INPP4B: variants seen among roughly 807,000 people sequenced by gnomAD.
INPP4B encodes inositol polyphosphate 4-phosphatase type II.
In INPP4B, 55 loss-of-function variants were observed where a neutral mutation model predicts 122.5. That is an observed-to-expected ratio of 0.45 (90% CI 0.36 to 0.56). INPP4B has a LOEUF of 0.56. INPP4B is among the 20% of genes least tolerant of loss of function. INPP4B has a pLI of 0.00. For missense variants in INPP4B, 1,000 were observed against 1,097.7 expected (o/e 0.91, Z 1.26); for synonymous variants, 403 against 388.7 (o/e 1.04, Z -0.43).
At chr4:142,764,333 C>T (rs72728638) in intron 1 of INPP4B, among the ~76,000 whole-genome samples, 1,583 of 152,206 alleles carry the variant, frequency 0.01, 14 homozygotes, top group Middle Eastern at 0.031. Flanking sequence ...TGAATGAACA[C>T]ATACATCAAA....
At chr4:142,267,583 A>C (rs1743445530) in intron 10 of INPP4B, among the ~76,000 whole-genome samples, 1 of 152,220 alleles carries the variant, frequency 6.6e-6, no homozygotes, top group Non-Finnish European at 1.5e-5. Context: ...AATGAGTTAA[A>C]GACTGAAAAA....
intron 1 of INPP4B, among the ~76,000 whole-genome samples, chr4:142,738,438 A>T (rs1353086942): frequency 6.6e-6 from 1 of 152,106 alleles, no homozygotes; most frequent in African/African-American, 2.4e-5. Context: ...GAAGGAGAAC[A>T]TCACACACTG....
intron 5 of INPP4B, chr4:142,423,717 T>C (rs1384712644): frequency 2.4e-6 from 1 of 411,468 alleles, no homozygotes; most frequent in Admixed American, 3.2e-5. Flanking sequence ...GTATACTGAA[T>C]TGCATATCCA....
At chr4:142,845,467 C>A (rs1046859107) in intron 1 of INPP4B, among the ~76,000 whole-genome samples, 2 of 152,152 alleles carry the variant, frequency 1.3e-5, no homozygotes, top group African/African-American at 4.8e-5. Context: ...TGACCTCCCC[C>A]GTCCAAACCC....
intron 2 of INPP4B, among the ~76,000 whole-genome samples, chr4:142,670,354 C>T (rs911726039): frequency 6.6e-6 from 1 of 152,012 alleles, no homozygotes; most frequent in Non-Finnish European, 1.5e-5. Context: ...ATGTTTATTG[C>T]AGCATTATAC....
At chr4:142,440,658 A>G (rs967462) in intron 3 of INPP4B, among the ~76,000 whole-genome samples, 6,512 of 152,186 alleles carry the variant, frequency 0.043, 308 homozygotes, top group African/African-American at 0.11. Flanking sequence ...CCTTGCCTTC[A>G]CTTTTTCTCT....
In INPP4B at chr4:142,237,849, G is replaced by C. The variant is rs1243349801; in HGVS notation, c.836+15C>G. 1 of 1,433,976 alleles carries C rather than the reference G, an allele frequency of 7.0e-7. No individual in the cohort carries two copies. The highest frequency in any genetic ancestry group is 1.4e-5 in the African/African-American group (1 of 70,242). The allele number at this position is 1,433,976 out of a possible 1,614,324, so 88.8% of individuals were successfully genotyped here. A position where few individuals can be genotyped will look rare whatever the true frequency, so the allele number is the denominator to read the frequency against. ...AAAATAATTAATATGAGAGAAAATA[G>C]TTATTTTCTCTTACCTGCACAAATC... On this transcript the variant is annotated intron_variant, in intron 12 of 25. Coordinates refer to ENST00000262992, the MANE Select transcript of INPP4B (RefSeq NM_001101669.3).
At chr4:142,349,271 G>A (rs942461614) in intron 7 of INPP4B, among the ~76,000 whole-genome samples, 6 of 152,008 alleles carry the variant, frequency 3.9e-5, no homozygotes, top group Admixed American at 1.3e-4. Context: ...AAGGACAACT[G>A]ATATACGAGA....
chr4:142,350,932 G>C (rs1021648018), intron 7 of INPP4B, among the ~76,000 whole-genome samples: 1 of 151,910 alleles, frequency 6.6e-6, no homozygotes, highest in Non-Finnish European at 1.5e-5. Flanking sequence ...TTCTAACAGG[G>C]AGCCCAGATG....
intron 1 of INPP4B, among the ~76,000 whole-genome samples, chr4:142,732,053 A>G (rs1766170474): frequency 6.6e-6 from 1 of 152,210 alleles, no homozygotes; most frequent in African/African-American, 2.4e-5. Flanking sequence ...GCAGAAAAGG[A>G]AAAAAGTCTA....
chr4:142,089,476 CACACAG>C (rs1393621612), intron 23 of INPP4B, among the ~76,000 whole-genome samples: 202 of 119,518 alleles, frequency 1.7e-3, no homozygotes, highest in South Asian at 3.8e-3. Context: ...CACACACACA[CACACAG>C]AGAGAGAGAG....
At chr4:142,232,968 G>T (rs983544247) in intron 12 of INPP4B, among the ~76,000 whole-genome samples, 2 of 152,114 alleles carry the variant, frequency 1.3e-5, no homozygotes, top group Non-Finnish European at 2.9e-5. Context: ...AGGTGAGTAA[G>T]CCAAAGAAGA....
In INPP4B at chr4:142,799,033, A is replaced by C. The variant is rs1015534502; in HGVS notation, c.-254+47176T>G. Among the ~76,000 whole-genome samples, 76 of 151,858 alleles carry C rather than the reference A, an allele frequency of 5.0e-4. 2 individuals are homozygous for C. The highest frequency in any genetic ancestry group is 1.4e-3 in the Admixed American group (22 of 15,206). On this transcript the variant is annotated intron_variant, in intron 1 of 25. Transcript: ENST00000262992. ...ACTGGACTTTACCCATGAGCACATA[A>C]TACACTGCTAATTTTTTTTAAAGAA...
At chr4:142,100,580 G>A (rs1348065972) in intron 23 of INPP4B, among the ~76,000 whole-genome samples, 1 of 152,144 alleles carries the variant, frequency 6.6e-6, no homozygotes, top group African/African-American at 2.4e-5. Flanking sequence ...CTGCCATTGA[G>A]AACTTGGCAT....
At chr4:142,270,947 G>GTGTGTA (rs1212904035) in intron 9 of INPP4B, among the ~76,000 whole-genome samples, 173 bp from the exon 10 acceptor site, 38 of 152,006 alleles carry the variant, frequency 2.5e-4, no homozygotes, top group African/African-American at 9.2e-4. Context: ...GTGTGTGTGT[G>GTGTGTA]TGTGTGTGTG....
At chr4:142,398,374 T>C (rs1339531144) in intron 7 of INPP4B, among the ~76,000 whole-genome samples, 3 of 19,506 alleles carry the variant, frequency 1.5e-4, no homozygotes, top group African/African-American at 6.5e-4. Flanking sequence ...CCAGACTCTG[T>C]CTAAAAAAAA....
At chr4:142,568,381 G>A (rs1216878492) in intron 2 of INPP4B, among the ~76,000 whole-genome samples, 1 of 151,954 alleles carries the variant, frequency 6.6e-6, no homozygotes, top group Non-Finnish European at 1.5e-5. Context: ...CCCAGATATC[G>A]GCTTGCTGGC....
intron 2 of INPP4B, among the ~76,000 whole-genome samples, chr4:142,465,737 G>C (rs184110745): frequency 1.3e-5 from 2 of 152,134 alleles, no homozygotes; most frequent in African/African-American, 4.8e-5. Flanking sequence ...CCGGATCCTG[G>C]GGGAGGATCC....
chr4:142,449,035 G>T (rs1411264949), intron 3 of INPP4B, among the ~76,000 whole-genome samples: 2 of 152,136 alleles, frequency 1.3e-5, no homozygotes, highest in African/African-American at 4.8e-5. Context: ...ATCGCATCAG[G>T]AGACAATTGA....
Sources: gnomAD v4.1 joint callset for allele counts (sites outside exome capture counted in the v4.1 genomes callset) on GRCh38, gnomAD v4.1.1 for gene constraint, MANE v1.5 for transcripts, NCBI Gene and HGNC (gene_info 2026-07-23, HGNC 2026-07-21) for gene names.